The following MROH1 variants were observed in gnomAD, a reference collection of about 807,000 sequenced individuals.
The protein encoded by MROH1 is maestro heat like repeat family member 1.
In MROH1, 117 loss-of-function variants were observed where a neutral mutation model predicts 116.5. The observed-to-expected ratio is 1.00, with a 90% CI of 0.86 to 1.17. The LOEUF is 1.17. MROH1 is among the 50% of genes most tolerant of loss of function. The pLI, the probability that MROH1 is intolerant of heterozygous loss-of-function variation, is 0.00. For missense variants in MROH1, 1,873 were observed against 1,338.5 expected, an observed-to-expected ratio of 1.40 and a Z score of -6.23; for synonymous variants, 921 against 583.9, an observed-to-expected ratio of 1.58 and a Z score of -8.32.
At chr8:144,225,897 T>A (rs1837698036) in intron 14 of MROH1, among the ~76,000 whole-genome samples, 1 of 142,480 alleles carries the variant, frequency 7.0e-6, no homozygotes, top group South Asian at 2.2e-4. Context: ...TATAGGCCTA[T>A]GATTCATTTT....
Position 144,163,880 on chromosome 8 carries a change from G to A in MROH1, c.22+32G>A. ...GCATGGGGATTGGGAGTGGCCGGGT[G>A]TGAGGCCTCTCTTGCCTCTGGGTGG... is the stretch of plus-strand genomic sequence containing the variant. On this transcript the variant is annotated intron_variant, in intron 3 of 43. Transcript: ENST00000326134. The surrounding 1 kb of genome is among the most constrained non-coding windows in gnomAD (Gnocchi z 4.4). 3 of 1,612,900 alleles carry A rather than the reference G, an allele frequency of 1.9e-6. No homozygotes were observed. Among genetic ancestry groups the A allele is most frequent in the Non-Finnish European group, 2.5e-6 (3 of 1,179,190 alleles).
Position 144,181,505 on chromosome 8 carries a change from G to A in MROH1, c.562+982G>A, listed in dbSNP as rs1340729081. ...CTGCCACCCTCTCCTCAGCCCTTGC[G>A]CTCCGTCTCTCCTGGCCCTGCTCTT... On this transcript the variant is annotated intron_variant, in intron 7 of 43. Transcript: ENST00000326134. 2.6e-5 allele frequency among the ~76,000 whole-genome samples: 4 copies of A among 152,168 alleles called. 1 individual carries two copies. The highest frequency in any genetic ancestry group is 1.3e-4 in the Admixed American group (2 of 15,276).
At chr8:144,149,892 G>A (rs1423659320) in intron 1 of MROH1, among the ~76,000 whole-genome samples, 1 of 152,086 alleles carries the variant, frequency 6.6e-6, no homozygotes, top group Non-Finnish European at 1.5e-5. Context: ...TGGGCTGTGG[G>A]ATTGCATTTC....
chr8:144,184,400 C>T (rs1301516894), intron 7 of MROH1, among the ~76,000 whole-genome samples: 1 of 152,058 alleles, frequency 6.6e-6, no homozygotes, highest in African/African-American at 2.4e-5. Context: ...CAGTTACAGT[C>T]ACAAAGCACA....
intron 1 of MROH1, among the ~76,000 whole-genome samples, chr8:144,158,895 C>T (rs557016771): frequency 2.6e-5 from 4 of 152,304 alleles, no homozygotes; most frequent in Admixed American, 6.5e-5. Flanking sequence ...CACGCCACCA[C>T]GCCCAGCTAG....
At chr8:144,161,564 A>G (rs1237636398) in intron 2 of MROH1, among the ~76,000 whole-genome samples, 2 of 151,868 alleles carry the variant, frequency 1.3e-5, no homozygotes, top group Non-Finnish European at 2.9e-5. Flanking sequence ...CTCATTTCCT[A>G]CCTCTCAGGC....
rs1840889400 is a variant in MROH1 at position 144,241,057 on chromosome 8, G to A, written c.2001G>A (p.Lys667=). The part of the protein sequence containing the change: ...GAASSKEVVR[K]HLQELLETAR... ...CTTCAAGTAAGGAGGTGGTGAGGAA[G>A]CACCTTCAAGAGCTGCTGGAGACGG... The change falls in exon 21 of 44, where the codon AAG becomes AAA. Residue 667 remains lysine, a synonymous_variant. Transcript: ENST00000326134. 1.3e-6 allele frequency: 1 copy of A among 775,958 alleles called. No individual in the cohort carries two copies. The highest frequency in any genetic ancestry group is 1.4e-5 in the South Asian group (1 of 73,538). The allele number at this position is 775,958 out of a possible 1,614,324, so 48.1% of individuals were successfully genotyped here.
chr8:144,188,902 G>A (rs1039724747), intron 7 of MROH1, among the ~76,000 whole-genome samples: 4 of 152,158 alleles, frequency 2.6e-5, no homozygotes, highest in Admixed American at 6.6e-5. Flanking sequence ...GCAGATGTGG[G>A]AAGAACTGCT....
chr8:144,184,175 C>T (rs1173533778), intron 7 of MROH1, among the ~76,000 whole-genome samples: 1 of 152,230 alleles, frequency 6.6e-6, no homozygotes, highest in Admixed American at 6.5e-5. Context: ...ACTGGGAAGC[C>T]CTTAAGCTGA....
intron 22 of MROH1, among the ~76,000 whole-genome samples, chr8:144,241,883 C>G (rs1161815538): frequency 6.6e-6 from 1 of 152,220 alleles, no homozygotes; most frequent in African/African-American, 2.4e-5. Context: ...GAGTGGGCCC[C>G]TGCTGCAGGC....
chr8:144,196,012 C>T (rs1185564154), intron 10 of MROH1, among the ~76,000 whole-genome samples: 4 of 151,994 alleles, frequency 2.6e-5, no homozygotes, highest in African/African-American at 7.2e-5. Flanking sequence ...GATTAGTGGC[C>T]GGGCACAGTG....
chr8:144,240,242 C>T (rs1423418076), intron 19 of MROH1, 89 bp downstream of exon 19: 3 of 659,048 alleles, frequency 4.6e-6, no homozygotes, highest in African/African-American at 3.6e-5. Context: ...CCACCTGCCT[C>T]GACCTCACCT....
At chr8:144,211,863 A>G (rs918897607) in intron 12 of MROH1, among the ~76,000 whole-genome samples, 1 of 152,194 alleles carries the variant, frequency 6.6e-6, no homozygotes, top group Non-Finnish European at 1.5e-5. Context: ...TGATGGCTTC[A>G]ATCCAGAGCA....
chr8:144,252,303 T>C (rs957605748), intron 33 of MROH1: 7,178 of 150,622 alleles, frequency 0.048, 227 homozygotes, highest in African/African-American at 0.086. Context: ...GCAGGAGGAT[T>C]ACCTGAGGTC....
At chr8:144,193,095 C>G (rs1032255331) in intron 10 of MROH1, 5 of 167,852 alleles carry the variant, frequency 3.0e-5, no homozygotes, top group Admixed American at 1.6e-4. Flanking sequence ...GGGCCCCACT[C>G]TCCACCGCCT....
Position 144,239,828 on chromosome 8 carries a change from C to T in MROH1, c.1774+73C>T. Reference sequence around the variant, plus strand: ...GTCTCAGAGTAGGAGGGTGCTAGCTCTGACCCCACCTTTGCCAAGTGGCAC... The same window carrying T: ...GTCTCAGAGTAGGAGGGTGCTAGCTTTGACCCCACCTTTGCCAAGTGGCAC... On this transcript the variant is annotated intron_variant, in intron 18 of 43. Transcript: ENST00000326134. 4.3e-6 allele frequency: 3 copies of T among 703,678 alleles called. No individual in the cohort carries two copies. In the South Asian group the frequency reaches 4.5e-5, roughly 11 times the overall value. The allele number at this position is 703,678 out of a possible 1,614,324, so 43.6% of individuals were successfully genotyped here. A position where few individuals can be genotyped will look rare whatever the true frequency, so the allele number is the denominator to read the frequency against.
At chr8:144,256,509 A>G (rs1843837321) in intron 35 of MROH1, among the ~76,000 whole-genome samples, 1 of 151,784 alleles carries the variant, frequency 6.6e-6, no homozygotes, top group Non-Finnish European at 1.5e-5. Flanking sequence ...CGTAAAGCCC[A>G]GTGGGGCCGG....
chr8:144,229,314 T>C (rs1838387509), intron 14 of MROH1, among the ~76,000 whole-genome samples: 1 of 152,164 alleles, frequency 6.6e-6, no homozygotes, highest in Admixed American at 6.6e-5. Flanking sequence ...AGGTTTTCAG[T>C]TTTTGTTGCC....
At chr8:144,242,690 G>A in intron 24 of MROH1, 62 bp downstream of exon 24, 1 of 754,596 alleles carries the variant, frequency 1.3e-6, no homozygotes, top group Non-Finnish European at 2.5e-6. Flanking sequence ...CCTCTGGGCG[G>A]GTTGAGCTTC....
Sources: allele counts gnomAD v4.1 joint callset (sites outside exome capture counted in the v4.1 genomes callset), GRCh38; gene constraint gnomAD v4.1.1; non-coding constraint Gnocchi (gnomAD v3.1); transcripts MANE v1.5; gene names NCBI Gene and HGNC (gene_info 2026-07-23, HGNC 2026-07-21).